DGKB: variants seen among roughly 807,000 people sequenced by gnomAD.
DGKB encodes diacylglycerol kinase beta.
Under a neutral mutation model 114.3 loss-of-function variants are expected in DGKB, and 67 were observed. The observed-to-expected ratio is 0.59, with a 90% CI of 0.48 to 0.72. DGKB has a LOEUF of 0.72. Among genes scored for constraint, DGKB ranks in the 30% least tolerant of loss-of-function variants. The probability of loss-of-function intolerance (pLI) is 0.00; values close to 1 mark genes in which losing one functional copy is unlikely to be tolerated. For missense variants in DGKB, 907 were observed against 975.2 expected (o/e 0.93, Z 0.93); for synonymous variants, 398 against 323.1 (o/e 1.23, Z -2.49).
At chr7:14,170,766 T>G (rs1780872434) in intron 25 of DGKB, among the ~76,000 whole-genome samples, 1 of 152,148 alleles carries the variant, frequency 6.6e-6, no homozygotes, top group African/African-American at 2.4e-5. Context: ...TAGTCTGTAT[T>G]TTAAAGTTAT....
Position 14,216,369 on chromosome 7 carries a change from T to A in DGKB, c.2123-38218A>T, listed in dbSNP as rs572591034. The stretch of plus-strand genomic sequence containing the variant: ...CTAGTGTACTGTTATATGTCATGAG[T>A]AATAAATTTGGTTTAAATATTATTA... On this transcript the variant is annotated intron_variant, in intron 23 of 25. Coordinates refer to ENST00000402815, the MANE Select transcript of DGKB (RefSeq NM_001350709.2). Among the ~76,000 whole-genome samples the A allele has an allele frequency of 7.4e-4, 113 of 152,234 alleles. 2 individuals carry two copies. The South Asian group carries it at 0.022, about 30-fold the overall frequency.
chr7:14,410,870 C>T (rs1452039117), intron 21 of DGKB, among the ~76,000 whole-genome samples: 2 of 152,018 alleles, frequency 1.3e-5, no homozygotes, highest in Non-Finnish European at 2.9e-5. Flanking sequence ...TAAATATATA[C>T]AATTTTATTA....
At position 14,718,613 on chromosome 7, in the gene DGKB, A is replaced by C; in HGVS notation, c.395T>G (p.Val132Gly). 6.2e-7 allele frequency: 1 copy of C among 1,611,898 alleles called. No individual in the cohort carries two copies. Among genetic ancestry groups the C allele is most frequent in the Non-Finnish European group, 8.5e-7 (1 of 1,178,218 alleles). ...ACAGACAATGTCCTTCAGATGGATT[A>C]CTTCTGGGGAACACGTATTTGCAGG... ...TSPANTCSPE[V>G]IHLKDIVCYL... Residue 132 changes from valine to glycine, a missense_variant, in exon 6 of 26, where the codon GTA (valine) becomes GGA (glycine). Coordinates refer to ENST00000402815, the MANE Select transcript of DGKB (RefSeq NM_001350709.2).
At chr7:14,527,913 C>T (rs903260116) in intron 20 of DGKB, among the ~76,000 whole-genome samples, 7 of 151,988 alleles carry the variant, frequency 4.6e-5, no homozygotes, top group Admixed American at 3.9e-4. Context: ...GTGGAGGTGC[C>T]GAGTACTGGC....
intron 21 of DGKB, among the ~76,000 whole-genome samples, chr7:14,459,794 T>G (rs1185784404): frequency 3.9e-5 from 6 of 152,074 alleles, no homozygotes; most frequent in Non-Finnish European, 7.4e-5. Flanking sequence ...ACACATAATC[T>G]TCAGATTCAC....
At chr7:14,852,277 G>T (rs923026894) in intron 1 of DGKB, among the ~76,000 whole-genome samples, 2 of 147,734 alleles carry the variant, frequency 1.4e-5, no homozygotes, top group Admixed American at 1.3e-4. Flanking sequence ...TATGCTGAAA[G>T]AAGTGTGTGT....
At chr7:14,548,736 TGA>T (rs1794680614) in intron 20 of DGKB, among the ~76,000 whole-genome samples, 1 of 152,088 alleles carries the variant, frequency 6.6e-6, no homozygotes, top group Non-Finnish European at 1.5e-5. Flanking sequence ...AGCATGGGTT[TGA>T]GAAATCAAGA....
chr7:14,658,575 C>T (rs1255663981), intron 13 of DGKB, among the ~76,000 whole-genome samples: 1 of 151,658 alleles, frequency 6.6e-6, no homozygotes, highest in Admixed American at 6.6e-5. Flanking sequence ...AGAGGACTTC[C>T]CAACATAAAG....
At chr7:14,703,128 C>T (rs1221778702) in intron 6 of DGKB, among the ~76,000 whole-genome samples, 1 of 152,172 alleles carries the variant, frequency 6.6e-6, no homozygotes, top group Non-Finnish European at 1.5e-5. Flanking sequence ...GATTGTAGTG[C>T]AGCAGCAAAT....
In DGKB at chr7:14,665,029, TAAC is replaced by T. The variant is rs1313092946; in HGVS notation, c.1134+7897_1134+7899del. On this transcript the variant is annotated intron_variant, in intron 13 of 25. Coordinates refer to ENST00000402815, the MANE Select transcript of DGKB (RefSeq NM_001350709.2). ...TAAAGGTACCTTTAAGAAATAAAAA[TAAC>T]AATTCATATAAAACAATGGTTACTT... is the stretch of plus-strand genomic sequence containing the variant. 2.6e-5 allele frequency among the ~76,000 whole-genome samples: 4 copies of T among 151,950 alleles called. 1 individual carries two copies. In the South Asian group the frequency reaches 8.3e-4, roughly 31 times the overall value.
intron 23 of DGKB, among the ~76,000 whole-genome samples, chr7:14,335,156 T>C (rs1169207042): frequency 1.3e-5 from 2 of 152,166 alleles, no homozygotes; most frequent in East Asian, 3.8e-4. Flanking sequence ...TCTTCAAAGA[T>C]TGCAAGCAAA....
At chr7:14,704,517 G>A (rs999656398) in intron 6 of DGKB, among the ~76,000 whole-genome samples, 3 of 151,648 alleles carry the variant, frequency 2.0e-5, no homozygotes, top group Non-Finnish European at 4.4e-5. Context: ...GAACAGCTCC[G>A]GTCTACAGCT....
intron 23 of DGKB, among the ~76,000 whole-genome samples, chr7:14,193,515 C>T (rs1784599017): frequency 6.6e-6 from 1 of 152,054 alleles, no homozygotes; most frequent in South Asian, 2.1e-4. Flanking sequence ...TGAGACTAGA[C>T]CCTGACTCAT....
At chr7:14,450,156 T>C (rs1391637030) in intron 21 of DGKB, among the ~76,000 whole-genome samples, 1 of 152,126 alleles carries the variant, frequency 6.6e-6, no homozygotes, top group Non-Finnish European at 1.5e-5. Context: ...AATTTCTTTT[T>C]AATTTTTGAA....
intron 23 of DGKB, among the ~76,000 whole-genome samples, chr7:14,333,291 A>G (rs1344595293): frequency 2.6e-5 from 4 of 151,750 alleles, no homozygotes; most frequent in Non-Finnish European, 5.9e-5. Context: ...ATACCCCTCT[A>G]CTAAAAATAC....
At chr7:14,659,392 T>A (rs187772060) in intron 13 of DGKB, among the ~76,000 whole-genome samples, 352 of 151,982 alleles carry the variant, frequency 2.3e-3, no homozygotes, top group African/African-American at 7.5e-3. Flanking sequence ...TTTGTTTGTA[T>A]CCTCTTTTAT....
At chr7:14,910,032 C>G (rs1225593027) in intron 1 of DGKB, among the ~76,000 whole-genome samples, 3 of 151,806 alleles carry the variant, frequency 2.0e-5, no homozygotes, top group African/African-American at 4.8e-5. Flanking sequence ...CATGGTGAAA[C>G]CTTGCCTCCA....
intron 1 of DGKB, among the ~76,000 whole-genome samples, chr7:14,933,113 T>A (rs1391729259): frequency 2.0e-5 from 3 of 152,160 alleles, no homozygotes; most frequent in Non-Finnish European, 4.4e-5. Flanking sequence ...CAGAGCATAT[T>A]ATAAAAATGA....
intron 1 of DGKB, among the ~76,000 whole-genome samples, chr7:14,942,113 A>C (rs1257377285): frequency 6.6e-6 from 1 of 151,574 alleles, no homozygotes; most frequent in African/African-American, 2.4e-5. Flanking sequence ...TCAGATTAAA[A>C]AAACTTTTTT....
Sources: allele counts gnomAD v4.1 joint callset (sites outside exome capture counted in the v4.1 genomes callset), GRCh38; gene constraint gnomAD v4.1.1; transcripts MANE v1.5; gene names NCBI Gene and HGNC (gene_info 2026-07-23, HGNC 2026-07-21).